The following VSTM2L variants were observed in gnomAD, a reference collection of about 807,000 sequenced individuals.
VSTM2L encodes V-set and transmembrane domain-containing protein 2-like protein.
A neutral mutation model predicts 19.9 loss-of-function variants in VSTM2L; 9 were observed. The ratio of observed to expected loss-of-function variants is 0.45; its 90% CI spans 0.27 to 0.79. VSTM2L has a LOEUF of 0.79. Ranked by LOEUF, VSTM2L falls within the 30% of genes least tolerant of loss-of-function variation. The pLI, the probability that VSTM2L is intolerant of heterozygous loss-of-function variation, is 0.15. For missense variants in VSTM2L, 286 were observed against 295.5 expected (o/e 0.97, Z 0.24); for synonymous variants, 127 against 133.8 (o/e 0.95, Z 0.35).
intron 1 of VSTM2L, among the ~76,000 whole-genome samples, chr20:37,911,434 G>C (rs2072779035): frequency 6.6e-6 from 1 of 152,168 alleles, no homozygotes. Context: ...AGCAAAGACT[G>C]TTGAAGTAGG....
Position 37,944,605 on chromosome 20 carries a change from C to G in VSTM2L, c.*352C>G. 1 of 1,064,124 alleles carries G rather than the reference C, an allele frequency of 9.4e-7. No individual in the cohort carries two copies. 65.9% of individuals were successfully genotyped at this position (1,064,124 alleles called of 1,614,324 possible). Reference sequence around the variant, plus strand: ...TTTGCTTTGCTTGCTTGTCCCCCATCCTGTCCTGAGCCGGGGCCCCCCAGC... The same window carrying G: ...TTTGCTTTGCTTGCTTGTCCCCCATGCTGTCCTGAGCCGGGGCCCCCCAGC... On this transcript the variant is annotated 3_prime_UTR_variant, in exon 4 of 4. Coordinates refer to ENST00000373461, the MANE Select transcript of VSTM2L (RefSeq NM_080607.3).
chr20:37,940,950 C>G (rs1725022265), intron 3 of VSTM2L, among the ~76,000 whole-genome samples: 1 of 152,200 alleles, frequency 6.6e-6, no homozygotes, highest in South Asian at 2.1e-4. Context: ...AGGCCCCGCC[C>G]TCAACATGTG....
intron 1 of VSTM2L, among the ~76,000 whole-genome samples, chr20:37,917,802 G>T (rs978858129): frequency 2.6e-5 from 4 of 152,256 alleles, no homozygotes; most frequent in Non-Finnish European, 5.9e-5. Context: ...CTTTGGACTG[G>T]ATGGGACAAG....
intron 3 of VSTM2L, among the ~76,000 whole-genome samples, chr20:37,942,633 G>A (rs139845199): frequency 1.8e-4 from 27 of 152,326 alleles, no homozygotes; most frequent in East Asian, 5.8e-4. Context: ...GTCAGAAAGC[G>A]GGGGACCCCA....
At chr20:37,925,714 C>T (rs1202494736) in intron 1 of VSTM2L, among the ~76,000 whole-genome samples, 2 of 152,220 alleles carry the variant, frequency 1.3e-5, no homozygotes, top group Non-Finnish European at 2.9e-5. Flanking sequence ...CCGTAGGCAG[C>T]TCCTGGCCAG....
chr20:37,922,736 G>A (rs866742098), intron 1 of VSTM2L, among the ~76,000 whole-genome samples: 2 of 152,168 alleles, frequency 1.3e-5, no homozygotes, highest in Non-Finnish European at 2.9e-5. Context: ...AGGGGGTCTG[G>A]GATGGGGAAT....
At chr20:37,903,867 G>C (rs2072736307) in intron 1 of VSTM2L, among the ~76,000 whole-genome samples, 1 of 152,112 alleles carries the variant, frequency 6.6e-6, no homozygotes, top group Non-Finnish European at 1.5e-5. Context: ...CAGGCACTGC[G>C]CCGGTGGGCT....
intron 3 of VSTM2L, among the ~76,000 whole-genome samples, chr20:37,935,443 C>A (rs1005782269): frequency 2.0e-5 from 3 of 152,188 alleles, no homozygotes; most frequent in Admixed American, 1.3e-4. Context: ...GCTCTGCCCA[C>A]CCTCCAGCCT....
At chr20:37,932,346 T>C (rs1328777809) in intron 2 of VSTM2L, among the ~76,000 whole-genome samples, 2 of 152,168 alleles carry the variant, frequency 1.3e-5, no homozygotes, top group Non-Finnish European at 2.9e-5. Context: ...GTGGGGGCTC[T>C]GCCCCATGCC....
chr20:37,929,493 G>C (rs1420411663), intron 1 of VSTM2L, among the ~76,000 whole-genome samples: 1 of 152,208 alleles, frequency 6.6e-6, no homozygotes, highest in African/African-American at 2.4e-5. Context: ...CCAGCACTTT[G>C]GGAAGCAGAG....
intron 2 of VSTM2L, 72 bp from the exon 3 acceptor site, chr20:37,933,467 C>T: frequency 2.4e-6 from 3 of 1,242,802 alleles, no homozygotes; most frequent in South Asian, 2.5e-5. Flanking sequence ...TGTCTCCCCA[C>T]ACTGCCACCC....
chr20:37,911,721 C>A (rs6021823), intron 1 of VSTM2L, among the ~76,000 whole-genome samples: 2 of 152,222 alleles, frequency 1.3e-5, no homozygotes, highest in Admixed American at 6.5e-5. Flanking sequence ...CCCTCTCCCC[C>A]ACCCTGTGCC....
intron 2 of VSTM2L, among the ~76,000 whole-genome samples, chr20:37,933,049 C>T (rs190599557): frequency 2.0e-5 from 3 of 152,350 alleles, no homozygotes; most frequent in East Asian, 1.9e-4. Flanking sequence ...TTAGGCAAAT[C>T]GTTGCAGGTA....
rs764246303 is a variant in VSTM2L at position 37,944,239 on chromosome 20, G to T, written c.601G>T (p.Ala201Ser). ...GAGGAAGCGCTCGGTGGACCAGGAGGCCTGCAGCCTCTAGACTGATGCCCC... is the reference window on the plus strand; with the variant it reads ...GAGGAAGCGCTCGGTGGACCAGGAGTCCTGCAGCCTCTAGACTGATGCCCC... ...ELRKRSVDQE[A>S]CSL is the part of the protein sequence containing the mutation. Residue 201 changes from alanine to serine, a missense_variant, in exon 4 of 4, where the codon GCC (alanine) becomes TCC (serine). Ala to Ser is a moderately conservative substitution (Grantham distance 99). Coordinates refer to ENST00000373461, the MANE Select transcript of VSTM2L (RefSeq NM_080607.3). 6.6e-7 allele frequency: 1 copy of T among 1,511,722 alleles called. No individual in the cohort carries two copies. Among genetic ancestry groups the T allele is most frequent in the Admixed American group, 2.0e-5 (1 of 49,476 alleles). The allele number at this position is 1,511,722 out of a possible 1,614,324, so 93.6% of individuals were successfully genotyped here.
intron 2 of VSTM2L, among the ~76,000 whole-genome samples, chr20:37,933,322 C>T (rs2072921167): frequency 6.6e-6 from 1 of 152,224 alleles, no homozygotes; most frequent in African/African-American, 2.4e-5. Flanking sequence ...TACATACCTC[C>T]ATTATCTTCT....
rs1289153660 is a variant in VSTM2L, at chr20:37,903,214, G to A, written c.-137G>A. ...GGGCGAGGGCTGGGAGCTGGGCCGG[G>A]TCCGGGGACAGCGGGCGAGGGGCAG... is the stretch of plus-strand genomic sequence containing the variant. On this transcript the variant is annotated 5_prime_UTR_variant, in exon 1 of 4. Coordinates refer to ENST00000373461, the MANE Select transcript of VSTM2L (RefSeq NM_080607.3). 4 of 1,136,500 alleles carry A rather than the reference G, an allele frequency of 3.5e-6. No individual in the cohort carries two copies. The highest frequency in any genetic ancestry group is 1.6e-5 in the African/African-American group (1 of 61,492). 70.4% of individuals were successfully genotyped at this position (1,136,500 alleles called of 1,614,324 possible). A position where few individuals can be genotyped will look rare whatever the true frequency, so the allele number is the denominator to read the frequency against.
At chr20:37,914,129 G>A (rs972896128) in intron 1 of VSTM2L, among the ~76,000 whole-genome samples, 8 of 151,776 alleles carry the variant, frequency 5.3e-5, no homozygotes, top group Non-Finnish European at 7.4e-5. Context: ...GTGTGTGTGC[G>A]CGCACGAATG....
At chr20:37,929,269 A>G (rs2072895527) in intron 1 of VSTM2L, among the ~76,000 whole-genome samples, 2 of 152,158 alleles carry the variant, frequency 1.3e-5, no homozygotes, top group South Asian at 4.2e-4. Flanking sequence ...TGGAATCTCA[A>G]CTGGGATGCC....
intron 1 of VSTM2L, among the ~76,000 whole-genome samples, chr20:37,919,660 A>T (rs2072839779): frequency 6.6e-6 from 1 of 152,130 alleles, no homozygotes; most frequent in Admixed American, 6.5e-5. Context: ...GAGCACACAC[A>T]CCCTTGTGGC....
Sources: allele counts gnomAD v4.1 joint callset (sites outside exome capture counted in the v4.1 genomes callset), GRCh38; gene constraint gnomAD v4.1.1; transcripts MANE v1.5; gene names NCBI Gene and HGNC (gene_info 2026-07-23, HGNC 2026-07-21).